Variants in HTT observed in about 807,000 individuals in gnomAD.
The protein encoded by HTT is huntingtin.
A neutral mutation model predicts 362.3 loss-of-function variants in HTT; 104 were observed. That is an observed-to-expected ratio of 0.29 (90% CI 0.24 to 0.34). The LOEUF (loss-of-function observed/expected upper bound fraction) is 0.34. HTT is among the 10% of genes least tolerant of loss of function. HTT has a pLI of 1.00. For missense variants in HTT, 3,301 were observed against 3,928.6 expected, an observed-to-expected ratio of 0.84 and a Z score of 4.27; for synonymous variants, 1,577 against 1,548.7, an observed-to-expected ratio of 1.02 and a Z score of -0.43.
chr4:3,160,232 A>G, intron 28 of HTT, 50 bp from the exon 29 acceptor site: 2 of 1,190,010 alleles, frequency 1.7e-6, no homozygotes, highest in Non-Finnish European at 2.5e-6. Context: ...GTACATTATG[A>G]GATCGTGACA....
At chr4:3,116,389 T>G (rs2071655) in intron 8 of HTT, 126 bp downstream of exon 8, 324,613 of 755,812 alleles carry the variant, frequency 0.43, 71,827 homozygotes, top group African/African-American at 0.57. Flanking sequence ...GCGCTGCTCG[T>G]TTCCAACCCT....
chr4:3,214,993 A>G, intron 50 of HTT, 117 bp from the exon 51 acceptor site: 2 of 758,908 alleles, frequency 2.6e-6, no homozygotes, highest in South Asian at 1.8e-5. Context: ...TAAGGAATCT[A>G]GGCTAGTCTG....
Position 3,217,898 on chromosome 4 carries a change from C to CAGG in HTT, c.7189_7190insGGA (p.Ile2396_Ile2397insArg). 1 of 1,614,066 alleles carries CAGG rather than the reference C, an allele frequency of 6.2e-7. No homozygotes were observed. The highest frequency in any genetic ancestry group is 1.1e-5 in the South Asian group (1 of 91,070). ...TCACGCCATTGCTAAGGAACATCATCATCAGCCTGGCCCGCCTGCCCCTTG... is the reference window on the plus strand; with the variant it reads ...TCACGCCATTGCTAAGGAACATCATCAGGATCAGCCTGGCCCGCCTGCCCCTTG... On this transcript the variant is annotated inframe_insertion, in exon 52 of 67. Coordinates refer to ENST00000355072, the MANE Select transcript of HTT (RefSeq NM_001388492.1).
At chr4:3,090,701 T>C (rs527750258) in intron 2 of HTT, among the ~76,000 whole-genome samples, 1 of 152,376 alleles carries the variant, frequency 6.6e-6, no homozygotes, top group South Asian at 2.1e-4. Flanking sequence ...TATTACTAAG[T>C]TGAATTTTCT....
chr4:3,127,650 TGAGACAGAGTCTCACTCCATA>T (rs1191487189), intron 12 of HTT, 46 bp downstream of exon 12: 2 of 1,412,978 alleles, frequency 1.4e-6, no homozygotes, highest in Non-Finnish European at 2.0e-6. Context: ...ATTTTTTATT[TGAGACAGAGTCTCACTCCATA>T]GTGCAGTGGA....
intron 29 of HTT, among the ~76,000 whole-genome samples, chr4:3,171,592 C>T (rs1440587519): frequency 6.6e-6 from 1 of 152,056 alleles, no homozygotes; most frequent in Non-Finnish European, 1.5e-5. Context: ...ATTCTCCTGC[C>T]TCAGCCTCTC....
intron 12 of HTT, among the ~76,000 whole-genome samples, chr4:3,127,963 C>CA (rs1560559486): frequency 6.7e-6 from 1 of 150,004 alleles, no homozygotes; most frequent in African/African-American, 2.4e-5. Context: ...GACTCCATTT[C>CA]AAAAAAAATA....
intron 12 of HTT, chr4:3,128,485 T>G (rs185847161): frequency 6.6e-6 from 1 of 152,348 alleles, no homozygotes; most frequent in Admixed American, 6.5e-5. Context: ...TAAGGCCTTG[T>G]TGGGCCCTGG....
chr4:3,213,500 C>A (rs1003589245), intron 49 of HTT, among the ~76,000 whole-genome samples: 2 of 152,234 alleles, frequency 1.3e-5, no homozygotes, highest in African/African-American at 4.8e-5. Flanking sequence ...GTGAGGAAAG[C>A]AAGGCTTAGA....
At chr4:3,150,038 G>T (rs781341916) in intron 26 of HTT, among the ~76,000 whole-genome samples, 1 of 152,106 alleles carries the variant, frequency 6.6e-6, no homozygotes, top group Non-Finnish European at 1.5e-5. Context: ...GGCCTCCTGG[G>T]TGTTCCCTTA....
At position 3,207,452 on chromosome 4, in the gene HTT, C is replaced by T. The variant is rs138279011; in HGVS notation, c.6152+95C>T. ...GGAATAAATTCACAGGACAAGAAAT[C>T]GATGTGCCTTATAGGTGGGTTTACT... On this transcript the variant is annotated intron_variant, in intron 45 of 66. Coordinates refer to ENST00000355072, the MANE Select transcript of HTT (RefSeq NM_001388492.1). 523 of 1,044,994 alleles carry T rather than the reference C, an allele frequency of 5.0e-4. 1 individual carries two copies. The highest frequency in any genetic ancestry group is 7.0e-4 in the Non-Finnish European group (488 of 692,354). The allele number at this position is 1,044,994 out of a possible 1,614,324, so 64.7% of individuals were successfully genotyped here. A position where few individuals can be genotyped will look rare whatever the true frequency, so the allele number is the denominator to read the frequency against.
At chr4:3,099,909 G>C (rs189750019) in intron 3 of HTT, among the ~76,000 whole-genome samples, 2 of 151,772 alleles carry the variant, frequency 1.3e-5, no homozygotes, top group Non-Finnish European at 2.9e-5. Flanking sequence ...ATGGTTTGGA[G>C]GTGCTCTGTT....
rs142329938 is a variant in HTT at position 3,113,667 on chromosome 4, G to C, written c.748-1637G>C. Among the ~76,000 whole-genome samples, 142 of 152,248 alleles carry C rather than the reference G, an allele frequency of 9.3e-4. No individual in the cohort carries two copies. In the Middle Eastern group the frequency reaches 0.01, roughly 11 times the overall value. Reference sequence around the variant, plus strand: ...TAAGATGTTAGTATCTTTTCTTGCAGCTAAAAAAGTTTGTCAGAGATGATT... The same window carrying C: ...TAAGATGTTAGTATCTTTTCTTGCACCTAAAAAAGTTTGTCAGAGATGATT... On this transcript the variant is annotated intron_variant, in intron 6 of 66. Coordinates refer to ENST00000355072, the MANE Select transcript of HTT (RefSeq NM_001388492.1).
rs552932805 is a variant in HTT at position 3,167,537 on chromosome 4, C to G, written c.3865-4783C>G. ...AAATAAAAATCATCTAACTGGGATT[C>G]TTTAAATAGTAAGATTTTCTTTTTT... On this transcript the variant is annotated intron_variant, in intron 29 of 66. Transcript: ENST00000355072. 2.6e-3 allele frequency among the ~76,000 whole-genome samples: 393 copies of G among 152,090 alleles called. 5 individuals are homozygous for G. Among genetic ancestry groups the G allele is most frequent in the African/African-American group, 9.1e-3 (377 of 41,504 alleles).
chr4:3,208,976 A>T (rs1720005494), intron 46 of HTT, 65 bp downstream of exon 46: 2 of 1,517,836 alleles, frequency 1.3e-6, no homozygotes, highest in South Asian at 2.5e-5. Flanking sequence ...CCTGTGGCAG[A>T]TACAGAGAGT....
At chr4:3,230,088 GCC>G in intron 60 of HTT, 46 bp downstream of exon 60, 2 of 1,552,908 alleles carry the variant, frequency 1.3e-6, no homozygotes, top group Non-Finnish European at 1.8e-6. Context: ...AGCCACGGGG[GCC>G]CATCTGCCTT....
intron 60 of HTT, among the ~76,000 whole-genome samples, chr4:3,230,349 G>A (rs1311632751): frequency 1.3e-5 from 2 of 152,284 alleles, no homozygotes; most frequent in African/African-American, 4.8e-5. Flanking sequence ...GTGTGGTGGC[G>A]CTGAGGCATC....
intron 36 of HTT, 91 bp downstream of exon 36, chr4:3,180,742 T>A (rs1250216275): frequency 8.5e-7 from 1 of 1,172,942 alleles, no homozygotes; most frequent in East Asian, 3.1e-5. Context: ...CACTGTTAAC[T>A]GTGTTACTTT....
rs372401937 is a variant in HTT at position 3,157,992 on chromosome 4, G to GT, written c.3753+805dup. On this transcript the variant is annotated intron_variant, in intron 28 of 66. Coordinates refer to ENST00000355072, the MANE Select transcript of HTT (RefSeq NM_001388492.1). ...CTGCTCATCTATTAGAAGCATCCTT[G>GT]TTTTTTTTTTTTCTTTTTTAGACAG... 8.3e-4 allele frequency among the ~76,000 whole-genome samples: 122 copies of GT among 146,664 alleles called. 2 individuals carry two copies. Among genetic ancestry groups the GT allele is most frequent in the African/African-American group, 1.6e-3 (63 of 39,898 alleles).
Sources: gnomAD v4.1 joint callset for allele counts (sites outside exome capture counted in the v4.1 genomes callset) on GRCh38, gnomAD v4.1.1 for gene constraint, MANE v1.5 for transcripts, NCBI Gene and HGNC (gene_info 2026-07-23, HGNC 2026-07-21) for gene names.